DIP2B: variants seen among roughly 807,000 people sequenced by gnomAD.
The protein encoded by DIP2B is disco-interacting protein 2 homolog B.
DIP2B carries 76 observed loss-of-function variants against 198.0 expected under a neutral mutation model. The observed-to-expected ratio is 0.38, with a 90% CI of 0.32 to 0.46. The LOEUF is 0.46. Ranked by LOEUF, DIP2B falls within the 20% of genes least tolerant of loss-of-function variation. The pLI is 0.99. For missense variants in DIP2B, 1,559 were observed against 1,978.4 expected (o/e 0.79, Z 4.02); for synonymous variants, 701 against 739.1 (o/e 0.95, Z 0.84).
At chr12:50,712,843 G>A (rs1592138878) in intron 22 of DIP2B, among the ~76,000 whole-genome samples, 1 of 152,202 alleles carries the variant, frequency 6.6e-6, no homozygotes, top group African/African-American at 2.4e-5. Context: ...AGGAGGCGGA[G>A]GTTGCAGTGA....
intron 20 of DIP2B, among the ~76,000 whole-genome samples, chr12:50,704,789 T>C (rs1939484310): frequency 6.6e-6 from 1 of 151,934 alleles, no homozygotes; most frequent in Admixed American, 6.6e-5. Flanking sequence ...ACATGGCAAA[T>C]TCTGTGTCTA....
At chr12:50,628,419 C>T (rs1019669825) in intron 2 of DIP2B, among the ~76,000 whole-genome samples, 18 of 151,956 alleles carry the variant, frequency 1.2e-4, no homozygotes, top group African/African-American at 3.6e-4. Flanking sequence ...ATGATGAAAA[C>T]GACAAAAAAT....
At chr12:50,639,335 T>C (rs549754928) in intron 2 of DIP2B, among the ~76,000 whole-genome samples, 18 of 152,300 alleles carry the variant, frequency 1.2e-4, no homozygotes, top group Non-Finnish European at 2.6e-4. Flanking sequence ...GTAGATGGGC[T>C]GCTCTGGACA....
At chr12:50,658,032 C>T (rs187792048) in intron 3 of DIP2B, among the ~76,000 whole-genome samples, 100 of 150,394 alleles carry the variant, frequency 6.6e-4, no homozygotes, top group African/African-American at 2.3e-3. Flanking sequence ...GGGTGGATCG[C>T]TGGAGCCCAG....
At chr12:50,534,701 T>C (rs889919500) in intron 1 of DIP2B, among the ~76,000 whole-genome samples, 1 of 152,164 alleles carries the variant, frequency 6.6e-6, no homozygotes, top group African/African-American at 2.4e-5. Flanking sequence ...GACAGCATTC[T>C]GAGATTAGGA....
chr12:50,578,792 G>A (rs1310360272), intron 1 of DIP2B, among the ~76,000 whole-genome samples: 1 of 152,156 alleles, frequency 6.6e-6, no homozygotes, highest in Non-Finnish European at 1.5e-5. Flanking sequence ...ACAAGCATAA[G>A]CCACCGCGCC....
chr12:50,593,095 T>C (rs998366215), intron 1 of DIP2B, among the ~76,000 whole-genome samples: 1 of 152,224 alleles, frequency 6.6e-6, no homozygotes, highest in African/African-American at 2.4e-5. Flanking sequence ...CTACAGCCTT[T>C]CTCATTGTTT....
At chr12:50,637,636 A>G (rs1938183258) in intron 2 of DIP2B, among the ~76,000 whole-genome samples, 1 of 152,178 alleles carries the variant, frequency 6.6e-6, no homozygotes, top group Non-Finnish European at 1.5e-5. Flanking sequence ...CCACTTGTTT[A>G]ATGTGTTTCT....
chr12:50,722,577 C>G (rs764379016), intron 26 of DIP2B, among the ~76,000 whole-genome samples: 46 of 152,076 alleles, frequency 3.0e-4, no homozygotes, highest in Non-Finnish European at 6.2e-4. Context: ...TCATGTGCTG[C>G]CTTATTTACC....
At chr12:50,527,261 A>AC (rs1338779723) in intron 1 of DIP2B, among the ~76,000 whole-genome samples, 1 of 152,192 alleles carries the variant, frequency 6.6e-6, no homozygotes, top group Non-Finnish European at 1.5e-5. Context: ...GTGGCCAACT[A>AC]CCAAGGACGT....
chr12:50,573,747 A>G (rs1958635095), intron 1 of DIP2B, among the ~76,000 whole-genome samples: 1 of 152,220 alleles, frequency 6.6e-6, no homozygotes. Flanking sequence ...CCTTTGCAGA[A>G]TGTGTATTTT....
chr12:50,644,249 T>A (rs573605809), intron 3 of DIP2B, among the ~76,000 whole-genome samples: 1 of 152,280 alleles, frequency 6.6e-6, no homozygotes, highest in African/African-American at 2.4e-5. Flanking sequence ...CCAGGCATGA[T>A]TCACCTCCCT....
At position 50,706,539 on chromosome 12, in the gene DIP2B, G is replaced by A; in HGVS notation, c.2408G>A (p.Gly803Asp). ...RSGLLGFVGPGSLVFVVGKMD... is the reference protein window; with the variant it reads ...RSGLLGFVGPDSLVFVVGKMD... Reference sequence around the variant, plus strand: ...AGGTAAATCATCATTACCTTTCAGGGTAGTTTGGTGTTCGTGGTTGGGAAA... The same window carrying A: ...AGGTAAATCATCATTACCTTTCAGGATAGTTTGGTGTTCGTGGTTGGGAAA... The change falls in exon 21 of 38, where the codon GGT becomes GAT. Residue 803 changes from glycine (G) to aspartate (D), a missense_variant and splice_region_variant. Coordinates refer to ENST00000301180, the MANE Select transcript of DIP2B (RefSeq NM_173602.3). 6.2e-7 allele frequency: 1 copy of A among 1,613,832 alleles called. No homozygotes were observed. The highest frequency in any genetic ancestry group is 8.5e-7 in the Non-Finnish European group (1 of 1,179,836).
In DIP2B at chr12:50,731,549, C is replaced by T. The variant is rs1940042730; in HGVS notation, c.3810+12C>T. ...TGGAAGTGCTAAAGGTAAGAAGCAGCTCCAGCAGGTGGCCAGTCCCAAAAG... is the reference window on the plus strand; with the variant it reads ...TGGAAGTGCTAAAGGTAAGAAGCAGTTCCAGCAGGTGGCCAGTCCCAAAAG... On this transcript the variant is annotated intron_variant, in intron 31 of 37. Transcript: ENST00000301180. The T allele has an allele frequency of 1.2e-6, 2 of 1,603,696 alleles. No individual in the cohort carries two copies. The highest frequency in any genetic ancestry group is 1.7e-6 in the Non-Finnish European group (2 of 1,173,754).
At chr12:50,537,430 G>A (rs551566774) in intron 1 of DIP2B, among the ~76,000 whole-genome samples, 1 of 152,184 alleles carries the variant, frequency 6.6e-6, no homozygotes, top group Admixed American at 6.6e-5. Flanking sequence ...TTGAGTTTGA[G>A]TGACCAGGCG....
At chr12:50,735,681 T>A (rs1175034321) in intron 34 of DIP2B, among the ~76,000 whole-genome samples, 1 of 152,068 alleles carries the variant, frequency 6.6e-6, no homozygotes, top group East Asian at 1.9e-4. Flanking sequence ...GCCAGGCTGG[T>A]CTTGAACTCC....
intron 8 of DIP2B, chr12:50,679,728 A>G (rs1195410029): frequency 2.0e-5 from 3 of 152,262 alleles, no homozygotes; most frequent in Non-Finnish European, 2.9e-5. Context: ...TAACCCTTAA[A>G]GAAAGCATTT....
At chr12:50,635,049 A>G (rs1938133672) in intron 2 of DIP2B, among the ~76,000 whole-genome samples, 1 of 152,190 alleles carries the variant, frequency 6.6e-6, no homozygotes, top group Non-Finnish European at 1.5e-5. Context: ...TTCTCAAATG[A>G]TATTCTAGCA....
intron 3 of DIP2B, among the ~76,000 whole-genome samples, chr12:50,654,189 G>C (rs1938514408): frequency 6.6e-6 from 1 of 151,828 alleles, no homozygotes; most frequent in South Asian, 2.1e-4. Flanking sequence ...TGCTAATTTT[G>C]GATTCGTTTG....
Sources: gnomAD v4.1 joint callset for allele counts (sites outside exome capture counted in the v4.1 genomes callset) on GRCh38, gnomAD v4.1.1 for gene constraint, MANE v1.5 for transcripts, NCBI Gene and HGNC (gene_info 2026-07-23, HGNC 2026-07-21) for gene names.